The following PLCH1 variants were observed in gnomAD, a reference collection of about 807,000 sequenced individuals.
The protein encoded by PLCH1 is phospholipase C eta 1.
A neutral mutation model predicts 126.7 loss-of-function variants in PLCH1; 60 were observed. The observed-to-expected ratio is 0.47, with a 90% CI of 0.38 to 0.59. PLCH1 has a LOEUF of 0.59. Ranked by LOEUF, PLCH1 falls within the 20% of genes least tolerant of loss-of-function variation. The probability of loss-of-function intolerance (pLI) is 0.00; values close to 1 mark genes in which losing one functional copy is unlikely to be tolerated. For synonymous variants in PLCH1, 719 were observed against 734.9 expected, an observed-to-expected ratio of 0.98 and a Z score of 0.35; for missense variants, 1,723 against 2,040.0, an observed-to-expected ratio of 0.84 and a Z score of 2.99.
chr3:155,559,339 C>T lies in PLCH1; in HGVS notation c.1070-5143G>A, dbSNP rs149294673. On this transcript the variant is annotated intron_variant, in intron 8 of 22. Transcript: ENST00000460012. ...AAACACTTAGCCAGGACCTGGTCCA[C>T]TAAAGTTGCTAAAATCATAGTAGGT... 4.2e-3 allele frequency among the ~76,000 whole-genome samples: 636 copies of T among 152,232 alleles called. 1 individual carries two copies. The highest frequency in any genetic ancestry group is 7.0e-3 in the Admixed American group (107 of 15,282).
chr3:155,583,112 GAATTTATACTAATATA>G (rs1730925466), intron 6 of PLCH1, among the ~76,000 whole-genome samples: 1 of 149,606 alleles, frequency 6.7e-6, no homozygotes, highest in African/African-American at 2.4e-5. Flanking sequence ...ATACTAATAT[GAATTTATACTAATATA>G]TAGTATAAAT....
intron 6 of PLCH1, among the ~76,000 whole-genome samples, chr3:155,579,450 G>A (rs1288046407): frequency 6.6e-6 from 1 of 152,212 alleles, no homozygotes; most frequent in East Asian, 1.9e-4. Context: ...AAGTCACAAA[G>A]TCAAGGATGA....
chr3:155,537,202 C>CAAAAAAAAAAAAAAAAAAAAA lies in PLCH1; in HGVS notation c.1362+12564_1362+12584dup, dbSNP rs535908017. On this transcript the variant is annotated intron_variant, in intron 10 of 22. Transcript: ENST00000460012. ...CTAGCACTACAAAAAAAAAAAAAAC[C>CAAAAAAAAAAAAAAAAAAAAA]AAAAAAAAAAAAAAAAAAAAAAAAA... Among the ~76,000 whole-genome samples, 47 of 10,356 alleles carry CAAAAAAAAAAAAAAAAAAAAA rather than the reference C, an allele frequency of 4.5e-3. 2 individuals are homozygous for CAAAAAAAAAAAAAAAAAAAAA. The highest frequency in any genetic ancestry group is 0.01 in the South Asian group (4 of 386). The allele number at this position is 10,356 out of a possible 152,430, so 6.8% of individuals were successfully genotyped here. A position where few individuals can be genotyped will look rare whatever the true frequency, so the allele number is the denominator to read the frequency against.
Position 155,566,321 on chromosome 3 carries a change from A to G in PLCH1, c.866-1203T>C, listed in dbSNP as rs118198963. Among the ~76,000 whole-genome samples, 37 of 45,408 alleles carry G rather than the reference A, an allele frequency of 8.1e-4. 8 individuals carry two copies. Among genetic ancestry groups the G allele is most frequent in the African/African-American group, 4.4e-3 (24 of 5,394 alleles). 29.8% of individuals were successfully genotyped at this position (45,408 alleles called of 152,430 possible). A position where few individuals can be genotyped will look rare whatever the true frequency, so the allele number is the denominator to read the frequency against. On this transcript the variant is annotated intron_variant, in intron 7 of 22. Transcript: ENST00000460012. ...TATACACATATATATACATATATAC[A>G]TATATATACGTATATATACACATAT...
intron 10 of PLCH1, among the ~76,000 whole-genome samples, chr3:155,525,108 C>G (rs1721724506): frequency 6.6e-6 from 1 of 152,104 alleles, no homozygotes; most frequent in Non-Finnish European, 1.5e-5. Context: ...TTGCTTGAGG[C>G]TAAGAGTTTG....
chr3:155,630,008 C>T (rs73005082), intron 2 of PLCH1, among the ~76,000 whole-genome samples: 1,906 of 152,310 alleles, frequency 0.013, 43 homozygotes, highest in African/African-American at 0.043. Context: ...CTACTATTAA[C>T]AGTCATTTTC....
intron 2 of PLCH1, among the ~76,000 whole-genome samples, chr3:155,598,079 G>A (rs538769097): frequency 6.6e-6 from 1 of 152,160 alleles, no homozygotes; most frequent in Non-Finnish European, 1.5e-5. Context: ...AGGTATTTGG[G>A]AGGTTAAGGC....
intron 12 of PLCH1, 48 bp downstream of exon 12, chr3:155,514,675 T>A: frequency 8.2e-7 from 1 of 1,214,996 alleles, no homozygotes; most frequent in South Asian, 2.5e-5. Flanking sequence ...AAGTATGAGA[T>A]GCTTTTTTTT....
intron 18 of PLCH1, among the ~76,000 whole-genome samples, chr3:155,492,196 G>A (rs1271400128): frequency 6.7e-6 from 1 of 149,522 alleles, no homozygotes; most frequent in Non-Finnish European, 1.5e-5. Context: ...CGAGAAAACA[G>A]AAGCCAAGAA....
intron 10 of PLCH1, among the ~76,000 whole-genome samples, chr3:155,527,378 T>A (rs1162958084): frequency 1.3e-5 from 2 of 152,184 alleles, no homozygotes; most frequent in African/African-American, 4.8e-5. Context: ...GATCCCCCCT[T>A]ACCCGCTTCC....
At chr3:155,467,574 CA>C (rs71302278) in intron 21 of PLCH1, among the ~76,000 whole-genome samples, 312 of 131,866 alleles carry the variant, frequency 2.4e-3, no homozygotes, top group South Asian at 3.4e-3. Flanking sequence ...AACTCTGTCT[CA>C]AAAAAAAAAA....
chr3:155,564,877 C>A (rs1466649786), intron 8 of PLCH1, 38 bp downstream of exon 8: 2 of 1,342,338 alleles, frequency 1.5e-6, no homozygotes, highest in South Asian at 2.3e-5. Context: ...AGGACAGGGT[C>A]ACCCATACAC....
At chr3:155,721,986 G>A (rs1432890453) in intron 1 of PLCH1, among the ~76,000 whole-genome samples, 1 of 152,054 alleles carries the variant, frequency 6.6e-6, no homozygotes, top group Admixed American at 6.5e-5. Context: ...GATGGAGGTT[G>A]TACTGAGCCG....
chr3:155,722,071 G>A (rs534645393), intron 1 of PLCH1, among the ~76,000 whole-genome samples: 81 of 152,206 alleles, frequency 5.3e-4, no homozygotes, highest in Non-Finnish European at 1.0e-3. Flanking sequence ...AGTGGTGAAA[G>A]TGGGCATCCT....
intron 2 of PLCH1, among the ~76,000 whole-genome samples, chr3:155,692,500 C>T (rs1422309244): frequency 6.6e-6 from 1 of 151,302 alleles, no homozygotes; most frequent in African/African-American, 2.5e-5. Context: ...ACATCTGGGT[C>T]CCATGTTCCA....
chr3:155,699,849 C>CACACACACACACACACACACACA (rs1553760147), intron 2 of PLCH1, among the ~76,000 whole-genome samples: 4 of 145,512 alleles, frequency 2.7e-5, no homozygotes, highest in African/African-American at 5.4e-5. Flanking sequence ...CACACACACA[C>CACACACACACACACACACACACA]CACTACCTCT....
chr3:155,461,673 G>A (rs1186472042), intron 21 of PLCH1, among the ~76,000 whole-genome samples: 1 of 152,184 alleles, frequency 6.6e-6, no homozygotes, highest in Non-Finnish European at 1.5e-5. Flanking sequence ...AATTCAAAGA[G>A]AGTGTGGTAT....
chr3:155,692,028 TAA>T (rs543180678), intron 2 of PLCH1, among the ~76,000 whole-genome samples: 10 of 139,070 alleles, frequency 7.2e-5, no homozygotes, highest in African/African-American at 1.3e-4. Flanking sequence ...AGACTCTGTC[TAA>T]AAAAAAAAAA....
At chr3:155,613,469 T>G (rs2090577) in intron 2 of PLCH1, among the ~76,000 whole-genome samples, 28,905 of 152,096 alleles carry the variant, frequency 0.19, 3,547 homozygotes, top group African/African-American at 0.35. Context: ...CAAGTGGGTT[T>G]CATACCAGGA....
Sources: gnomAD v4.1 joint callset for allele counts (sites outside exome capture counted in the v4.1 genomes callset) on GRCh38, gnomAD v4.1.1 for gene constraint, MANE v1.5 for transcripts, NCBI Gene and HGNC (gene_info 2026-07-23, HGNC 2026-07-21) for gene names.